C1orf87: variants seen among roughly 807,000 people sequenced by gnomAD.
C1orf87 encodes chromosome 1 open reading frame 87, also known as uncharacterized protein C1orf87.
C1orf87 carries 58 observed loss-of-function variants against 60.5 expected under a neutral mutation model. The ratio of observed to expected loss-of-function variants is 0.96; its 90% confidence interval spans 0.78 to 1.19. The LOEUF is 1.19. C1orf87 is among the 50% of genes most tolerant of loss of function. The pLI is 0.00. For synonymous variants in C1orf87, 236 were observed against 227.4 expected, an observed-to-expected ratio of 1.04 and a Z score of -0.34; for missense variants, 673 against 638.6, an observed-to-expected ratio of 1.05 and a Z score of -0.58.
chr1:60,051,348 G>A (rs1645413219), intron 3 of C1orf87, among the ~76,000 whole-genome samples: 1 of 152,174 alleles, frequency 6.6e-6, no homozygotes, highest in Non-Finnish European at 1.5e-5. Context: ...TTGGCCATGT[G>A]GTTTGCTTTG....
intron 7 of C1orf87, among the ~76,000 whole-genome samples, chr1:60,030,374 A>G (rs1451312286): frequency 1.3e-5 from 2 of 152,190 alleles, no homozygotes; most frequent in Non-Finnish European, 2.9e-5. Context: ...CTGACAAACT[A>G]CAGAAGGAGG....
At chr1:60,036,047 T>C (rs955488999) in intron 6 of C1orf87, among the ~76,000 whole-genome samples, 4 of 152,188 alleles carry the variant, frequency 2.6e-5, no homozygotes, top group Non-Finnish European at 5.9e-5. Context: ...TTTTACAGTA[T>C]GTATTATATG....
rs573861693 is a variant in C1orf87, at chr1:60,033,755, T to A, written c.864-114A>T. Reference sequence around the variant, plus strand: ...ACACACTATGGAACCAGAGAGCCCATCTACGTAGGCCCTCTCAGTCTTGGG... The same window carrying A: ...ACACACTATGGAACCAGAGAGCCCAACTACGTAGGCCCTCTCAGTCTTGGG... On this transcript the variant is annotated intron_variant, in intron 6 of 11. Coordinates refer to ENST00000371201, the MANE Select transcript of C1orf87 (RefSeq NM_152377.3). 18 of 1,188,614 alleles carry A rather than the reference T, an allele frequency of 1.5e-5. No individual in the cohort carries two copies. In the Admixed American group the frequency reaches 2.6e-4, roughly 17 times the overall value. 73.6% of individuals were successfully genotyped at this position (1,188,614 alleles called of 1,614,324 possible).
chr1:60,064,327 A>T (rs1645519724), intron 2 of C1orf87, among the ~76,000 whole-genome samples: 1 of 142,738 alleles, frequency 7.0e-6, no homozygotes, highest in Non-Finnish European at 1.5e-5. Flanking sequence ...ATTATATATT[A>T]TATATACTAT....
Position 59,990,580 on chromosome 1 carries a change from G to T in C1orf87, c.*93C>A. On this transcript the variant is annotated 3_prime_UTR_variant, in exon 12 of 12. Coordinates refer to ENST00000371201, the MANE Select transcript of C1orf87 (RefSeq NM_152377.3). ...CTGCATCGGCCTCCACTCTGACAAT[G>T]CCTCCGCCACTACACTTAGGCTGGG... 2 of 1,453,198 alleles carry T rather than the reference G, an allele frequency of 1.4e-6. No homozygotes were observed. Among genetic ancestry groups the T allele is most frequent in the Non-Finnish European group, 9.4e-7 (1 of 1,065,056 alleles). 90.0% of individuals were successfully genotyped at this position (1,453,198 alleles called of 1,614,324 possible).
In C1orf87 at chr1:60,070,433, G is replaced by T. The variant is rs566364632; in HGVS notation, c.107+2104C>A. ...CAACTTATTCAATCCAAAGGAAACA[G>T]CATTTTGAGGCCCTGGTTTATGAGT... is the stretch of plus-strand genomic sequence containing the variant. On this transcript the variant is annotated intron_variant, in intron 2 of 11. Transcript: ENST00000371201. Among the ~76,000 whole-genome samples, 6 of 152,276 alleles carry T rather than the reference G, an allele frequency of 3.9e-5. No individual in the cohort carries two copies. In the East Asian group the frequency reaches 7.7e-4, roughly 20 times the overall value.
intron 8 of C1orf87, among the ~76,000 whole-genome samples, chr1:60,021,057 C>T (rs1645159858): frequency 6.6e-6 from 1 of 152,172 alleles, no homozygotes; most frequent in Non-Finnish European, 1.5e-5. Flanking sequence ...GTCTCTCTCT[C>T]TCTCCTGCTT....
intron 9 of C1orf87, among the ~76,000 whole-genome samples, chr1:60,003,960 C>T (rs1645025471): frequency 6.6e-6 from 1 of 151,968 alleles, no homozygotes; most frequent in Non-Finnish European, 1.5e-5. Context: ...CCAGTTAGGG[C>T]GGCCTTTTGA....
At chr1:60,069,318 G>GT (rs1248267025) in intron 2 of C1orf87, among the ~76,000 whole-genome samples, 1 of 152,176 alleles carries the variant, frequency 6.6e-6, no homozygotes, top group Non-Finnish European at 1.5e-5. Context: ...AATATATCAG[G>GT]AAGGGAGCTG....
rs908594680 is a variant in C1orf87, at chr1:60,022,092, T to A, written c.1127+3309A>T. Among the ~76,000 whole-genome samples, 51 of 148,824 alleles carry A rather than the reference T, an allele frequency of 3.4e-4. 1 individual carries two copies. The highest frequency in any genetic ancestry group is 1.1e-3 in the African/African-American group (46 of 40,432). ...GGAGCCAAAGTGATGGGGGAGCAACTCTTATAGAGGACTTTGATTTTTTTT... is the reference window on the plus strand; with the variant it reads ...GGAGCCAAAGTGATGGGGGAGCAACACTTATAGAGGACTTTGATTTTTTTT... On this transcript the variant is annotated intron_variant, in intron 8 of 11. Coordinates refer to ENST00000371201, the MANE Select transcript of C1orf87 (RefSeq NM_152377.3).
chr1:60,022,922 G>C (rs1252802253), intron 8 of C1orf87, among the ~76,000 whole-genome samples: 1 of 152,104 alleles, frequency 6.6e-6, no homozygotes, highest in East Asian at 1.9e-4. Flanking sequence ...TCATTTCCCA[G>C]GCAGAACCGA....
At chr1:60,016,441 A>C (rs1386615737) in intron 8 of C1orf87, among the ~76,000 whole-genome samples, 1 of 152,178 alleles carries the variant, frequency 6.6e-6, no homozygotes, top group Non-Finnish European at 1.5e-5. Flanking sequence ...TCTATGCTTT[A>C]ACCTTCTTGT....
chr1:60,066,426 A>G (rs1369653087), intron 2 of C1orf87, among the ~76,000 whole-genome samples: 1 of 152,158 alleles, frequency 6.6e-6, no homozygotes, highest in Non-Finnish European at 1.5e-5. Flanking sequence ...TTCTATCTCA[A>G]AAAACCACTT....
At chr1:60,067,980 ATCTTTTCC>A (rs1236312769) in intron 2 of C1orf87, among the ~76,000 whole-genome samples, 1 of 152,062 alleles carries the variant, frequency 6.6e-6, no homozygotes, top group Non-Finnish European at 1.5e-5. Context: ...TAAATAGGAA[ATCTTTTCC>A]TCATTGCTTG....
At chr1:60,014,534 A>G (rs1440791124) in intron 8 of C1orf87, among the ~76,000 whole-genome samples, 1 of 152,122 alleles carries the variant, frequency 6.6e-6, no homozygotes, top group Admixed American at 6.6e-5. Context: ...AAAGCCTTAT[A>G]TATTAAAAAA....
intron 8 of C1orf87, among the ~76,000 whole-genome samples, chr1:60,014,882 G>A (rs1645115044): frequency 6.6e-6 from 1 of 152,166 alleles, no homozygotes; most frequent in Admixed American, 6.5e-5. Context: ...AAGCTCAGCT[G>A]AGACATAGTA....
intron 2 of C1orf87, among the ~76,000 whole-genome samples, chr1:60,067,730 T>C (rs1574332305): frequency 6.6e-6 from 1 of 152,016 alleles, no homozygotes; most frequent in Admixed American, 6.6e-5. Flanking sequence ...AATTTAATTA[T>C]ATCCCATTTG....
chr1:60,054,430 G>A (rs1054170137), intron 3 of C1orf87, among the ~76,000 whole-genome samples: 1 of 152,074 alleles, frequency 6.6e-6, no homozygotes, highest in Admixed American at 6.5e-5. Context: ...ATTTAGAAAG[G>A]GCTATTAAAA....
At chr1:59,995,665 G>A (rs1192895335) in intron 11 of C1orf87, among the ~76,000 whole-genome samples, 3 of 152,046 alleles carry the variant, frequency 2.0e-5, no homozygotes, top group South Asian at 2.1e-4. Context: ...CCCGGACCTC[G>A]CATTAGATGG....
Sources: gnomAD v4.1 joint callset for allele counts (sites outside exome capture counted in the v4.1 genomes callset) on GRCh38, gnomAD v4.1.1 for gene constraint, MANE v1.5 for transcripts, NCBI Gene and HGNC (gene_info 2026-07-23, HGNC 2026-07-21) for gene names.